The following GUCD1 variants were observed in gnomAD, a reference collection of about 807,000 sequenced individuals.
GUCD1 encodes the protein guanylyl cyclase domain containing 1, also known as protein GUCD1.
Under a neutral mutation model 28.3 loss-of-function variants are expected in GUCD1, and 17 were observed. The ratio of observed to expected loss-of-function variants is 0.60; its 90% CI spans 0.41 to 0.90. GUCD1 has a LOEUF of 0.90. Ranked by LOEUF, GUCD1 falls within the 40% of genes least tolerant of loss-of-function variation. GUCD1 has a pLI of 0.00. For synonymous variants in GUCD1, 129 were observed against 123.3 expected, an observed-to-expected ratio of 1.05 and a Z score of -0.30; for missense variants, 279 against 305.5, an observed-to-expected ratio of 0.91 and a Z score of 0.65.
At chr22:24,546,774 C>T (rs888943313) in intron 4 of GUCD1, 140 bp downstream of exon 4, 13 of 723,158 alleles carry the variant, frequency 1.8e-5, no homozygotes, top group Non-Finnish European at 3.2e-5. Flanking sequence ...AAGTCAGTGC[C>T]CACAGCCACC....
At chr22:24,548,834 T>C in intron 2 of GUCD1, 83 bp downstream of exon 2, 1 of 1,037,132 alleles carries the variant, frequency 9.6e-7, no homozygotes, top group Non-Finnish European at 1.4e-6. Context: ...ACATGGACCA[T>C]GGATCCCACC....
intron 3 of GUCD1, 70 bp from the exon 4 acceptor site, chr22:24,547,075 TA>T: frequency 1.6e-6 from 2 of 1,214,064 alleles, no homozygotes; most frequent in Non-Finnish European, 1.2e-6. Context: ...ATGAAGGAAA[TA>T]AAGAGCGTGT....
intron 4 of GUCD1, among the ~76,000 whole-genome samples, chr22:24,545,524 G>A (rs1366603261): frequency 1.3e-5 from 2 of 151,800 alleles, no homozygotes; most frequent in South Asian, 2.1e-4. Flanking sequence ...ACCTGTTGAG[G>A]GCTGCTAAAT....
upstream of GUCD1, chr22:24,555,462 G>A (rs2045033479): frequency 8.7e-7 from 1 of 1,149,502 alleles, no homozygotes; most frequent in South Asian, 1.5e-5. Context: ...GCCAGTCCTA[G>A]GTGTAAGCCC....
intron 1 of GUCD1, among the ~76,000 whole-genome samples, chr22:24,552,456 A>C (rs1475203223): frequency 6.6e-6 from 1 of 152,236 alleles, no homozygotes; most frequent in Non-Finnish European, 1.5e-5. Context: ...TAGTAACTCA[A>C]TAAATATTTG....
At chr22:24,553,189 C>T (rs1368105784) in intron 1 of GUCD1, among the ~76,000 whole-genome samples, 1 of 152,216 alleles carries the variant, frequency 6.6e-6, no homozygotes, top group African/African-American at 2.4e-5. Context: ...TGTTTCCTCC[C>T]CAGCTTTTGC....
chr22:24,554,559 G>A (rs988340980), intron 1 of GUCD1, among the ~76,000 whole-genome samples: 5 of 152,232 alleles, frequency 3.3e-5, no homozygotes, highest in East Asian at 1.9e-4. Context: ...GTGGCAGAGA[G>A]AACGAAAGTG....
chr22:24,543,365 T>C (rs192918545), intron 5 of GUCD1, among the ~76,000 whole-genome samples: 1 of 152,248 alleles, frequency 6.6e-6, no homozygotes, highest in East Asian at 1.9e-4. Flanking sequence ...GGTAAGTCTA[T>C]GTGGTCAGGG....
Position 24,555,080 on chromosome 22 carries a change from G to A in GUCD1, c.-89C>T. On this transcript the variant is annotated 5_prime_UTR_variant, in exon 1 of 6. Coordinates refer to ENST00000435822, the MANE Select transcript of GUCD1 (RefSeq NM_001284254.2). ...TGGGGCGGGAGGGCGGTCGGTGCGT[G>A]TCGAGTTCCTTCTCCGCCACCGCCG... 2.3e-6 allele frequency: 3 copies of A among 1,324,768 alleles called. No individual in the cohort carries two copies. The highest frequency in any genetic ancestry group is 2.9e-6 in the Non-Finnish European group (3 of 1,033,520). The allele number at this position is 1,324,768 out of a possible 1,614,324, so 82.1% of individuals were successfully genotyped here. A position where few individuals can be genotyped will look rare whatever the true frequency, so the allele number is the denominator to read the frequency against.
At position 24,543,956 on chromosome 22, in the gene GUCD1, T is replaced by C. The variant is rs1229487217; in HGVS notation, c.514A>G (p.Ser172Gly). Residue 172 changes from serine (S) to glycine (G), a missense_variant, in exon 5 of 6, where the codon AGT becomes GGT. Physicochemically the swap from Ser to Gly is moderately conservative, Grantham distance 56. Transcript: ENST00000435822. ...SPVKYCCFTP[S>G]GHHCFCRTPD... ...GTGCGGCAGAAGCAGTGGTGGCCAC[T>C]GGGGGTGAAGCAGCAGTACTTGACA... is the stretch of plus-strand genomic sequence containing the variant. 6.8e-6 allele frequency: 11 copies of C among 1,613,890 alleles called. No individual in the cohort carries two copies. The highest frequency in any genetic ancestry group is 9.3e-6 in the Non-Finnish European group (11 of 1,179,966).
upstream of GUCD1, chr22:24,555,864 C>G (rs1373263053): frequency 1.6e-5 from 24 of 1,525,668 alleles, no homozygotes; most frequent in Non-Finnish European, 2.0e-5. Context: ...CGTACTGGTG[C>G]CCTAGTTTCC....
chr22:24,555,391 A>T (rs2045028618), upstream of GUCD1: 2 of 1,191,284 alleles, frequency 1.7e-6, no homozygotes, highest in Non-Finnish European at 2.2e-6. Context: ...AAGCTCGTGC[A>T]TTTCCTGAAT....
At chr22:24,544,170 T>C in intron 4 of GUCD1, 87 bp from the exon 5 acceptor site, 1 of 1,531,282 alleles carries the variant, frequency 6.5e-7, no homozygotes, top group Non-Finnish European at 8.8e-7. Context: ...TGTTTCTCTG[T>C]TACAAAGCTT....
intron 1 of GUCD1, among the ~76,000 whole-genome samples, chr22:24,554,303 C>T (rs932224231): frequency 3.3e-5 from 5 of 152,332 alleles, no homozygotes; most frequent in Admixed American, 2.6e-4. Context: ...ACACAGCAGA[C>T]ACAAAAGGGA....
chr22:24,555,170 A>T (rs1344799846), upstream of GUCD1: 4 of 1,292,948 alleles, frequency 3.1e-6, no homozygotes, highest in East Asian at 1.3e-4. Flanking sequence ...CAGCCCTTCC[A>T]GGTCTCGAAT....
At chr22:24,554,129 G>A (rs2044961166) in intron 1 of GUCD1, among the ~76,000 whole-genome samples, 1 of 152,200 alleles carries the variant, frequency 6.6e-6, no homozygotes. Context: ...GATTAATGAG[G>A]CACTGCATGT....
chr22:24,544,925 CAAG>C (rs745961244), intron 4 of GUCD1, among the ~76,000 whole-genome samples: 2 of 151,664 alleles, frequency 1.3e-5, no homozygotes, highest in Admixed American at 6.6e-5. Flanking sequence ...GAGACTGAGG[CAAG>C]AAGATCACTT....
At position 24,542,691 on chromosome 22, in the gene GUCD1, G is replaced by C. The variant is rs984097786; in HGVS notation, c.*315C>G. The C allele has an allele frequency of 2.8e-6, 1 of 352,728 alleles. No individual in the cohort carries two copies. The highest frequency in any genetic ancestry group is 5.5e-6 in the Non-Finnish European group (1 of 182,006). The allele number at this position is 352,728 out of a possible 1,614,324, so 21.8% of individuals were successfully genotyped here. A position where few individuals can be genotyped will look rare whatever the true frequency, so the allele number is the denominator to read the frequency against. On this transcript the variant is annotated 3_prime_UTR_variant, in exon 6 of 6. Coordinates refer to ENST00000435822, the MANE Select transcript of GUCD1 (RefSeq NM_001284254.2). Reference sequence around the variant, plus strand: ...CGGTCTGTGGGGAGACCATTGCCATGGATCTGGCTCAAAGGCAACAAGGGC... The same window carrying C: ...CGGTCTGTGGGGAGACCATTGCCATCGATCTGGCTCAAAGGCAACAAGGGC...
intron 1 of GUCD1, among the ~76,000 whole-genome samples, chr22:24,551,751 G>A (rs144878913): frequency 1.0e-3 from 158 of 152,294 alleles, no homozygotes; most frequent in African/African-American, 3.6e-3. Context: ...CTTGGCAAAA[G>A]TAACAATAGC....
Sources: gnomAD v4.1 joint callset for allele counts (sites outside exome capture counted in the v4.1 genomes callset) on GRCh38, gnomAD v4.1.1 for gene constraint, MANE v1.5 for transcripts, NCBI Gene and HGNC (gene_info 2026-07-23, HGNC 2026-07-21) for gene names.